Variants in RGL1 observed in about 807,000 individuals in gnomAD.
The protein encoded by RGL1 is ral guanine nucleotide dissociation stimulator-like 1.
Under a neutral mutation model 95.2 loss-of-function variants are expected in RGL1, and 24 were observed. The observed-to-expected ratio is 0.25, with a 90% CI of 0.18 to 0.35. RGL1 has a LOEUF of 0.35. Ranked by LOEUF, RGL1 falls within the 10% of genes least tolerant of loss-of-function variation. The pLI is 1.00. For missense variants in RGL1, 715 were observed against 936.3 expected, an observed-to-expected ratio of 0.76 and a Z score of 3.08; for synonymous variants, 329 against 344.9, an observed-to-expected ratio of 0.95 and a Z score of 0.51.
At chr1:183,739,293 G>A (rs6703990) in intron 1 of RGL1, among the ~76,000 whole-genome samples, 107,866 of 152,200 alleles carry the variant, frequency 0.71, 38,735 homozygotes, top group East Asian at 0.91. Flanking sequence ...GTGAGCTGAG[G>A]CACAGACACT....
At chr1:183,769,976 A>G (rs1365965180) in intron 2 of RGL1, among the ~76,000 whole-genome samples, 1 of 152,240 alleles carries the variant, frequency 6.6e-6, no homozygotes, top group East Asian at 1.9e-4. Flanking sequence ...ATTGCAAAGA[A>G]TATTGGGGCA....
intron 9 of RGL1, among the ~76,000 whole-genome samples, chr1:183,895,265 T>C (rs1667624170): frequency 6.6e-6 from 1 of 152,150 alleles, no homozygotes; most frequent in South Asian, 2.1e-4. Flanking sequence ...AGTAGACAAG[T>C]TCCATCTAGA....
At chr1:183,641,517 C>T (rs1194628364) in intron 1 of RGL1, among the ~76,000 whole-genome samples, 2 of 152,148 alleles carry the variant, frequency 1.3e-5, no homozygotes, top group South Asian at 2.1e-4. Flanking sequence ...GCGATTCTCC[C>T]TCCTTGGTCT....
chr1:183,652,032 A>T (rs1650795350), intron 1 of RGL1, among the ~76,000 whole-genome samples: 1 of 152,154 alleles, frequency 6.6e-6, no homozygotes, highest in South Asian at 2.1e-4. Context: ...TACAATTTCA[A>T]CTCACCCATA....
chr1:183,837,591 G>C (rs1663755212), intron 2 of RGL1, among the ~76,000 whole-genome samples: 1 of 53,802 alleles, frequency 1.9e-5, no homozygotes, highest in Non-Finnish European at 4.8e-5. Flanking sequence ...TCTCAAAATT[G>C]CATTGATGTA....
intron 1 of RGL1, chr1:183,648,398 A>C (rs1462596295): frequency 3.1e-6 from 5 of 1,614,218 alleles, no homozygotes; most frequent in Non-Finnish European, 4.2e-6. Flanking sequence ...GGTTAGCTTC[A>C]TTACAAGGGG....
chr1:183,887,346 T>C (rs942381251), intron 7 of RGL1, among the ~76,000 whole-genome samples: 1 of 151,874 alleles, frequency 6.6e-6, no homozygotes, highest in African/African-American at 2.4e-5. Context: ...TAGTTTTCAG[T>C]GTCCAGATTT....
chr1:183,692,834 G>A (rs1202075439), intron 1 of RGL1, among the ~76,000 whole-genome samples: 1 of 152,174 alleles, frequency 6.6e-6, no homozygotes, highest in Non-Finnish European at 1.5e-5. Flanking sequence ...GATCCTGATA[G>A]CGGTGGTGTT....
intron 2 of RGL1, among the ~76,000 whole-genome samples, chr1:183,809,428 C>T (rs1479798745): frequency 1.3e-5 from 2 of 152,150 alleles, no homozygotes; most frequent in African/African-American, 2.4e-5. Context: ...CCAAGTATGT[C>T]CCAGGCCCAG....
chr1:183,760,488 G>A (rs1218346761), intron 2 of RGL1, among the ~76,000 whole-genome samples: 3 of 150,346 alleles, frequency 2.0e-5, no homozygotes, highest in African/African-American at 7.3e-5. Flanking sequence ...TCCCAGCGCT[G>A]TGGGAGGCTG....
intron 2 of RGL1, among the ~76,000 whole-genome samples, chr1:183,770,603 A>G (rs1336356795): frequency 6.6e-6 from 1 of 152,210 alleles, no homozygotes; most frequent in African/African-American, 2.4e-5. Flanking sequence ...TTAGGGGTTT[A>G]TGTGGCAAGG....
At chr1:183,688,538 A>T (rs531481274) in intron 1 of RGL1, among the ~76,000 whole-genome samples, 2 of 152,276 alleles carry the variant, frequency 1.3e-5, no homozygotes, top group African/African-American at 4.8e-5. Flanking sequence ...AAAAGTATTA[A>T]GTGCCAAGAC....
chr1:183,741,343 A>T (rs1200767674), intron 1 of RGL1, among the ~76,000 whole-genome samples: 1 of 152,210 alleles, frequency 6.6e-6, no homozygotes, highest in Non-Finnish European at 1.5e-5. Context: ...TATGGGGCTG[A>T]GCCAGGCAAG....
At chr1:183,663,784 T>G (rs1164510243) in intron 1 of RGL1, among the ~76,000 whole-genome samples, 2 of 151,030 alleles carry the variant, frequency 1.3e-5, no homozygotes, top group Non-Finnish European at 2.9e-5. Context: ...TGCAGCACTA[T>G]TCACAATAGC....
intron 1 of RGL1, among the ~76,000 whole-genome samples, chr1:183,736,293 A>G (rs1056862226): frequency 6.6e-6 from 1 of 152,192 alleles, no homozygotes; most frequent in Non-Finnish European, 1.5e-5. Context: ...AAATAATTCA[A>G]TGCACATTAG....
intron 14 of RGL1, among the ~76,000 whole-genome samples, chr1:183,907,527 C>G (rs1445454574): frequency 6.6e-6 from 1 of 152,244 alleles, no homozygotes; most frequent in Non-Finnish European, 1.5e-5. Flanking sequence ...AGACTTCCCT[C>G]TCTTACAACA....
intron 1 of RGL1, among the ~76,000 whole-genome samples, chr1:183,661,429 C>T (rs1018592119): frequency 1.3e-5 from 2 of 152,162 alleles, no homozygotes; most frequent in African/African-American, 4.8e-5. Flanking sequence ...ACTACAAACA[C>T]CTCTATGCAA....
intron 8 of RGL1, 84 bp downstream of exon 8, chr1:183,888,661 C>A: frequency 2.5e-6 from 2 of 803,328 alleles, no homozygotes; most frequent in South Asian, 3.1e-5. Context: ...AAGCTTGTAT[C>A]GCATAACTAG....
chr1:183,885,809 A>G (rs1667075358), intron 7 of RGL1, among the ~76,000 whole-genome samples: 1 of 152,204 alleles, frequency 6.6e-6, no homozygotes, highest in South Asian at 2.1e-4. Flanking sequence ...GAGTAGGGCC[A>G]TGGGAGATAA....
Sources: gnomAD v4.1 joint callset for allele counts (sites outside exome capture counted in the v4.1 genomes callset) on GRCh38, gnomAD v4.1.1 for gene constraint, MANE v1.5 for transcripts, NCBI Gene and HGNC (gene_info 2026-07-23, HGNC 2026-07-21) for gene names.